METTL15: variants seen among roughly 807,000 people sequenced by gnomAD.
The protein encoded by METTL15 is methyltransferase 15, mitochondrial 12S rRNA N4-cytidine.
A neutral mutation model predicts 38.3 loss-of-function variants in METTL15; 34 were observed. The ratio of observed to expected loss-of-function variants is 0.89; its 90% CI spans 0.68 to 1.18. The LOEUF (loss-of-function observed/expected upper bound fraction) is 1.18. METTL15 is among the 50% of genes most tolerant of loss of function. The probability of loss-of-function intolerance (pLI) is 0.00; values close to 1 mark genes in which losing one functional copy is unlikely to be tolerated. For synonymous variants in METTL15, 162 were observed against 170.9 expected (o/e 0.95, Z 0.41); for missense variants, 438 against 498.4 (o/e 0.88, Z 1.15).
intron 3 of METTL15, among the ~76,000 whole-genome samples, chr11:28,136,102 A>C (rs1161822175): frequency 1.3e-5 from 2 of 152,188 alleles, no homozygotes; most frequent in East Asian, 3.9e-4. Flanking sequence ...GCTAGACAAC[A>C]ATTGTCTGTG....
intron 3 of METTL15, among the ~76,000 whole-genome samples, chr11:28,203,812 A>G (rs1852205316): frequency 6.6e-6 from 1 of 152,072 alleles, no homozygotes; most frequent in Admixed American, 6.6e-5. Context: ...TCTCATTTCA[A>G]ATGTAAAGGA....
chr11:28,108,607 A>G (rs1266530825), intron 1 of METTL15, among the ~76,000 whole-genome samples, 155 bp downstream of exon 1: 2 of 152,150 alleles, frequency 1.3e-5, no homozygotes, highest in Admixed American at 1.3e-4. Context: ...TTTCTTCCAG[A>G]CACATTAATA....
At chr11:28,190,720 C>T (rs1851670012) in intron 3 of METTL15, among the ~76,000 whole-genome samples, 1 of 150,684 alleles carries the variant, frequency 6.6e-6, no homozygotes, top group African/African-American at 2.4e-5. Flanking sequence ...AGGAATGTAT[C>T]GAAACATAGG....
intron 6 of METTL15, among the ~76,000 whole-genome samples, chr11:28,313,027 T>C (rs1857361889): frequency 6.6e-6 from 1 of 151,994 alleles, no homozygotes; most frequent in Non-Finnish European, 1.5e-5. Context: ...TCAGAGTTCA[T>C]GTCTCTGTTT....
Position 28,200,840 on chromosome 11 carries a change from T to C in METTL15, c.271-10222T>C, listed in dbSNP as rs574996955. On this transcript the variant is annotated intron_variant, in intron 3 of 6. Transcript: ENST00000407364. ...ATGGGGTTTTCTAAATATAAAGTCA[T>C]GTCATCTTCAGACAGAGACAAATTG... 2.0e-4 allele frequency among the ~76,000 whole-genome samples: 30 copies of C among 152,290 alleles called. 2 individuals are homozygous for C. In the South Asian group the frequency reaches 6.0e-3, roughly 30 times the overall value.
intron 5 of METTL15, among the ~76,000 whole-genome samples, chr11:28,421,925 T>TGGCTAATG (rs1850823932): frequency 6.6e-6 from 1 of 151,974 alleles, no homozygotes; most frequent in Non-Finnish European, 1.5e-5. Flanking sequence ...GATATGATCT[T>TGGCTAATG]ATATTTGGAA....
chr11:28,402,023 T>A (rs1850635085), intron 5 of METTL15, among the ~76,000 whole-genome samples: 1 of 151,998 alleles, frequency 6.6e-6, no homozygotes. Flanking sequence ...GCATGAAGCC[T>A]TCTAAAACCT....
intron 5 of METTL15, among the ~76,000 whole-genome samples, chr11:28,376,415 T>G (rs1427644588): frequency 6.6e-6 from 1 of 152,124 alleles, no homozygotes; most frequent in Non-Finnish European, 1.5e-5. Context: ...TTTACCATTA[T>G]GTAATGGCCT....
chr11:28,503,910 C>T (rs1851605509), intron 6 of METTL15, among the ~76,000 whole-genome samples: 1 of 151,688 alleles, frequency 6.6e-6, no homozygotes, highest in Non-Finnish European at 1.5e-5. Flanking sequence ...GAATTGCAAA[C>T]TTAGGCTGGG....
intron 5 of METTL15, among the ~76,000 whole-genome samples, chr11:28,400,185 A>G (rs1437164043): frequency 2.0e-5 from 3 of 151,856 alleles, no homozygotes; most frequent in African/African-American, 7.2e-5. Context: ...TTCAGCCATC[A>G]TTTATTGATC....
At chr11:28,402,154 A>C (rs1024785477) in intron 5 of METTL15, among the ~76,000 whole-genome samples, 5 of 151,966 alleles carry the variant, frequency 3.3e-5, no homozygotes, top group African/African-American at 7.2e-5. Flanking sequence ...ACCATTATAC[A>C]ATAGCCAACT....
chr11:28,237,230 C>G (rs1401799731), intron 4 of METTL15, among the ~76,000 whole-genome samples: 1 of 152,222 alleles, frequency 6.6e-6, no homozygotes, highest in East Asian at 1.9e-4. Flanking sequence ...CCATCACTTT[C>G]AGGTACACCA....
intron 4 of METTL15, among the ~76,000 whole-genome samples, chr11:28,244,308 G>A (rs1188302939): frequency 2.0e-5 from 3 of 152,088 alleles, no homozygotes; most frequent in East Asian, 1.9e-4. Flanking sequence ...AACATTTATT[G>A]TAATTTTTTG....
At chr11:28,373,319 G>C (rs952483207) in intron 5 of METTL15, among the ~76,000 whole-genome samples, 9 of 152,058 alleles carry the variant, frequency 5.9e-5, no homozygotes, top group Non-Finnish European at 1.2e-4. Context: ...CATTCTAACT[G>C]GTGTGAGATG....
At chr11:28,108,529 T>G (rs1851583717) in intron 1 of METTL15, 77 bp downstream of exon 1, 2 of 152,670 alleles carry the variant, frequency 1.3e-5, no homozygotes, top group African/African-American at 4.8e-5. Flanking sequence ...GGGTGTGGAT[T>G]AATGGGTTCT....
At chr11:28,431,264 C>A (rs1850925233) in intron 6 of METTL15, among the ~76,000 whole-genome samples, 1 of 145,066 alleles carries the variant, frequency 6.9e-6, no homozygotes, top group South Asian at 2.2e-4. Flanking sequence ...CAGCCACCAC[C>A]CCGTCTGGGA....
At chr11:28,147,069 A>C (rs1849912847) in intron 3 of METTL15, among the ~76,000 whole-genome samples, 1 of 151,942 alleles carries the variant, frequency 6.6e-6, no homozygotes, top group African/African-American at 2.4e-5. Flanking sequence ...AAATGATAAA[A>C]TGCTAGAAAG....
At chr11:28,206,210 A>AG (rs1452751335) in intron 3 of METTL15, among the ~76,000 whole-genome samples, 2 of 151,446 alleles carry the variant, frequency 1.3e-5, no homozygotes, top group Non-Finnish European at 2.9e-5. Context: ...GGTAATGCCT[A>AG]GGTTTTCTTC....
intron 3 of METTL15, among the ~76,000 whole-genome samples, chr11:28,152,561 T>G (rs1375138385): frequency 1.3e-5 from 2 of 151,988 alleles, no homozygotes; most frequent in Non-Finnish European, 2.9e-5. Flanking sequence ...CCTTTTTTTT[T>G]GTACATTGGA....
Sources: gnomAD v4.1 joint callset for allele counts (sites outside exome capture counted in the v4.1 genomes callset) on GRCh38, gnomAD v4.1.1 for gene constraint, MANE v1.5 for transcripts, NCBI Gene and HGNC (gene_info 2026-07-23, HGNC 2026-07-21) for gene names.